EXOC6: variants seen among roughly 807,000 people sequenced by gnomAD.
The protein encoded by EXOC6 is exocyst complex component 6, also known as SEC15-like 1.
A neutral mutation model predicts 112.5 loss-of-function variants in EXOC6; 60 were observed. The ratio of observed to expected loss-of-function variants is 0.53; its 90% CI spans 0.43 to 0.66. EXOC6 has a LOEUF of 0.66. EXOC6 is among the 30% of genes least tolerant of loss of function. The probability of loss-of-function intolerance (pLI) is 0.00; values close to 1 mark genes in which losing one functional copy is unlikely to be tolerated. For synonymous variants in EXOC6, 295 were observed against 308.0 expected (o/e 0.96, Z 0.44); for missense variants, 855 against 957.1 (o/e 0.89, Z 1.41).
At chr10:93,021,365 T>C (rs1036262387) in intron 20 of EXOC6, among the ~76,000 whole-genome samples, 4 of 152,102 alleles carry the variant, frequency 2.6e-5, no homozygotes, top group Admixed American at 6.6e-5. Context: ...CTATACCCCA[T>C]TGCATAGTGG....
At chr10:92,964,022 G>T (rs1333678509) in intron 17 of EXOC6, among the ~76,000 whole-genome samples, 2 of 151,316 alleles carry the variant, frequency 1.3e-5, no homozygotes, top group African/African-American at 4.8e-5. Flanking sequence ...AAAAATCACA[G>T]TAATATATAA....
chr10:92,954,762 T>C lies in EXOC6; in HGVS notation c.1638+21T>C, dbSNP rs767974340. On this transcript the variant is annotated intron_variant, in intron 16 of 21. Coordinates refer to ENST00000260762, the MANE Select transcript of EXOC6 (RefSeq NM_019053.6). ...CAGAGGTAGGTTAAAAAGACACATATAGTGAAATGTTTCATTGTATGAAAC... is the reference window on the plus strand; with the variant it reads ...CAGAGGTAGGTTAAAAAGACACATACAGTGAAATGTTTCATTGTATGAAAC... The C allele has an allele frequency of 2.2e-5, 22 of 1,019,682 alleles. No homozygotes were observed. In the African/African-American group the frequency reaches 2.4e-4, roughly 11 times the overall value. 63.2% of individuals were successfully genotyped at this position (1,019,682 alleles called of 1,614,324 possible).
At chr10:92,923,169 T>A (rs934066138) in intron 8 of EXOC6, among the ~76,000 whole-genome samples, 6 of 152,200 alleles carry the variant, frequency 3.9e-5, no homozygotes, top group Admixed American at 3.3e-4. Context: ...GTATAACTTA[T>A]GCTCTGAAGT....
At chr10:92,919,101 A>G (rs1036086221) in intron 7 of EXOC6, among the ~76,000 whole-genome samples, 6 of 152,206 alleles carry the variant, frequency 3.9e-5, no homozygotes, top group African/African-American at 1.2e-4. Context: ...GAGGTTCAGA[A>G]TGTTGAAAAT....
chr10:93,018,299 A>G (rs1844633733), intron 20 of EXOC6, among the ~76,000 whole-genome samples: 1 of 152,168 alleles, frequency 6.6e-6, no homozygotes, highest in South Asian at 2.1e-4. Context: ...GACATGGTGA[A>G]TATGTTTTTT....
At chr10:92,927,452 G>A (rs984976454) in intron 8 of EXOC6, among the ~76,000 whole-genome samples, 4 of 152,336 alleles carry the variant, frequency 2.6e-5, no homozygotes, top group Admixed American at 2.0e-4. Context: ...TTCTAATAGA[G>A]TGAGGTAGTA....
intron 20 of EXOC6, among the ~76,000 whole-genome samples, chr10:93,042,485 G>A (rs1845825687): frequency 6.6e-6 from 1 of 152,180 alleles, no homozygotes; most frequent in Non-Finnish European, 1.5e-5. Context: ...CAAATATAGT[G>A]CTTGTCACAT....
chr10:92,875,043 T>C (rs552833179), intron 1 of EXOC6, among the ~76,000 whole-genome samples: 1 of 152,298 alleles, frequency 6.6e-6, no homozygotes, highest in East Asian at 1.9e-4. Flanking sequence ...ATTATAGCTG[T>C]GTTTGTGCAC....
rs146131116 is a variant in EXOC6 at position 93,042,926 on chromosome 10, CTATTATTAT to C, written c.2170-13972_2170-13964del. 3.4e-4 allele frequency among the ~76,000 whole-genome samples: 49 copies of C among 143,734 alleles called. 3 individuals are homozygous for C. Among genetic ancestry groups the C allele is most frequent in the South Asian group, 3.3e-3 (15 of 4,582 alleles). 94.3% of individuals were successfully genotyped at this position (143,734 alleles called of 152,430 possible). On this transcript the variant is annotated intron_variant, in intron 20 of 21. Transcript: ENST00000260762. ...CCATAATCAAATATCAGATATTTTACTATTATTATTATTATTATTATTATTATTATTATT... is the reference window on the plus strand; with the variant it reads ...CCATAATCAAATATCAGATATTTTACTATTATTATTATTATTATTATTATT...
intron 20 of EXOC6, among the ~76,000 whole-genome samples, chr10:93,025,062 G>A (rs1844967349): frequency 6.6e-6 from 1 of 152,178 alleles, no homozygotes; most frequent in African/African-American, 2.4e-5. Context: ...AGTATTCTGA[G>A]TAGGCTTGAG....
intron 17 of EXOC6, 131 bp downstream of exon 17, chr10:92,955,845 A>G (rs938402902): frequency 7.0e-5 from 53 of 761,180 alleles, no homozygotes; most frequent in Non-Finnish European, 9.3e-5. Flanking sequence ...TTCATTGTCA[A>G]CAATGAGCAA....
At chr10:92,926,280 A>G (rs1237483026) in intron 8 of EXOC6, among the ~76,000 whole-genome samples, 1 of 152,038 alleles carries the variant, frequency 6.6e-6, no homozygotes, top group Non-Finnish European at 1.5e-5. Context: ...AAAACCCACC[A>G]TAACACCTAA....
intron 1 of EXOC6, among the ~76,000 whole-genome samples, chr10:92,849,648 G>A (rs750706607): frequency 6.6e-5 from 10 of 152,190 alleles, no homozygotes; most frequent in Non-Finnish European, 1.5e-4. Flanking sequence ...ATAGAGCGCT[G>A]TACAGTTTGT....
At chr10:92,975,129 C>T (rs1258600398) in intron 18 of EXOC6, among the ~76,000 whole-genome samples, 1 of 152,034 alleles carries the variant, frequency 6.6e-6, no homozygotes, top group East Asian at 1.9e-4. Context: ...AGGAGCGCCT[C>T]TTCCCGGCCG....
At chr10:92,863,927 AC>A (rs1298892275) in intron 1 of EXOC6, among the ~76,000 whole-genome samples, 127 of 151,028 alleles carry the variant, frequency 8.4e-4, no homozygotes, top group African/African-American at 2.9e-3. Flanking sequence ...AAAAAAAAAA[AC>A]AAAACAAAAA....
intron 2 of EXOC6, among the ~76,000 whole-genome samples, chr10:92,894,467 T>C (rs1331583311): frequency 6.6e-6 from 1 of 152,176 alleles, no homozygotes; most frequent in African/African-American, 2.4e-5. Context: ...ATAGACCTCA[T>C]TGAAGTTATC....
intron 21 of EXOC6, 44 bp from the exon 22 acceptor site, chr10:93,058,179 T>C: frequency 1.3e-6 from 2 of 1,573,518 alleles, no homozygotes; most frequent in Non-Finnish European, 1.7e-6. Context: ...AGCTTAGCTT[T>C]TAATTTTCTT....
chr10:92,969,857 C>A (rs561308656), intron 17 of EXOC6, among the ~76,000 whole-genome samples: 181 of 152,178 alleles, frequency 1.2e-3, no homozygotes, highest in African/African-American at 4.2e-3. Context: ...CCACGCCCGG[C>A]TAATTTTTGT....
chr10:93,055,038 CATT>C (rs1160007580), intron 20 of EXOC6, among the ~76,000 whole-genome samples: 1 of 151,946 alleles, frequency 6.6e-6, no homozygotes, highest in Admixed American at 6.5e-5. Flanking sequence ...GGTGAAGTCT[CATT>C]ATGTTGCCCA....
Sources: allele counts gnomAD v4.1 joint callset (sites outside exome capture counted in the v4.1 genomes callset), GRCh38; gene constraint gnomAD v4.1.1; transcripts MANE v1.5; gene names NCBI Gene and HGNC (gene_info 2026-07-23, HGNC 2026-07-21).